Variants in DIP2C observed in about 807,000 individuals in gnomAD.
DIP2C encodes disco-interacting protein 2 homolog C.
DIP2C carries 33 observed loss-of-function variants against 192.4 expected under a neutral mutation model. The observed-to-expected ratio is 0.17, with a 90% CI of 0.13 to 0.23. The LOEUF is 0.23. Ranked by LOEUF, DIP2C falls within the 10% of genes least tolerant of loss-of-function variation. The probability of loss-of-function intolerance (pLI) is 1.00; values close to 1 mark genes in which losing one functional copy is unlikely to be tolerated. For synonymous variants in DIP2C, 979 were observed against 864.1 expected (o/e 1.13, Z -2.33); for missense variants, 1,537 against 2,110.1 (o/e 0.73, Z 5.32).
intron 1 of DIP2C, among the ~76,000 whole-genome samples, chr10:581,252 A>G (rs1850635550): frequency 6.6e-6 from 1 of 152,214 alleles, no homozygotes; most frequent in Admixed American, 6.5e-5. Context: ...CAACAAAAAC[A>G]GCCCATGTGT....
At chr10:365,379 T>A (rs1018913615) in intron 19 of DIP2C, among the ~76,000 whole-genome samples, 1 of 152,026 alleles carries the variant, frequency 6.6e-6, no homozygotes, top group Admixed American at 6.5e-5. Flanking sequence ...CACAAGAATT[T>A]TTTTTTTAAT....
At chr10:395,145 GATGGGGGGGAGGGAGGAC>G (rs6143731) in intron 10 of DIP2C, among the ~76,000 whole-genome samples, 46,683 of 95,140 alleles carry the variant, frequency 0.49, 10,883 homozygotes, top group East Asian at 0.73. Context: ...GGAGGGAGGA[GATGGGGGGGAGGGAGGAC>G]ATGGGGAGAT....
chr10:493,486 C>G (rs898798497), intron 1 of DIP2C, among the ~76,000 whole-genome samples: 1 of 152,156 alleles, frequency 6.6e-6, no homozygotes, highest in Non-Finnish European at 1.5e-5. Context: ...GACAATGAAG[C>G]CCAGCTTCCA....
intron 1 of DIP2C, among the ~76,000 whole-genome samples, chr10:654,133 T>C (rs1484196817): frequency 1.3e-5 from 2 of 152,226 alleles, no homozygotes; most frequent in African/African-American, 4.8e-5. Flanking sequence ...TTCTGCTCCA[T>C]AAACCTTGGC....
At chr10:539,892 G>A (rs11253073) in intron 1 of DIP2C, among the ~76,000 whole-genome samples, 6,423 of 152,224 alleles carry the variant, frequency 0.042, 215 homozygotes, top group East Asian at 0.15. Context: ...GGATTTCAAC[G>A]CTAACCAGTA....
intron 1 of DIP2C, among the ~76,000 whole-genome samples, chr10:528,038 T>A (rs539153499): frequency 2.6e-4 from 40 of 152,244 alleles, no homozygotes; most frequent in African/African-American, 9.1e-4. Context: ...AGGACAGTCG[T>A]GTCCTTGGGA....
At chr10:583,171 T>C (rs772788862) in intron 1 of DIP2C, among the ~76,000 whole-genome samples, 2 of 152,136 alleles carry the variant, frequency 1.3e-5, no homozygotes, top group Non-Finnish European at 2.9e-5. Flanking sequence ...ATAAATACAC[T>C]CATAGGAAAA....
Position 414,117 on chromosome 10 carries a change from C to T in DIP2C, c.860-7G>A, listed in dbSNP as rs748935086. On this transcript the variant is annotated splice_polypyrimidine_tract_variant and splice_region_variant and intron_variant, in intron 7 of 36. Transcript: ENST00000280886. ...TTCGGATCCGGTTGTTGAACTAAAT[C>T]GTTTGAATACAAGAGGTTACAAGAG... 4 of 1,608,890 alleles carry T rather than the reference C, an allele frequency of 2.5e-6. No homozygotes were observed. The highest frequency in any genetic ancestry group is 1.7e-5 in the Admixed American group (1 of 59,694).
chr10:379,529 A>C (rs1962130023), intron 17 of DIP2C, among the ~76,000 whole-genome samples: 1 of 152,096 alleles, frequency 6.6e-6, no homozygotes, highest in Non-Finnish European at 1.5e-5. Context: ...CATAGCCCAG[A>C]TGTCCATGCT....
chr10:330,814 T>A (rs1430068607), intron 29 of DIP2C, among the ~76,000 whole-genome samples: 4 of 139,240 alleles, frequency 2.9e-5, no homozygotes, highest in African/African-American at 9.0e-5. Flanking sequence ...CCTACACAAT[T>A]TTTTTTTTTT....
At chr10:549,356 C>T (rs1349112170) in intron 1 of DIP2C, among the ~76,000 whole-genome samples, 3 of 152,144 alleles carry the variant, frequency 2.0e-5, no homozygotes, top group Admixed American at 6.5e-5. Flanking sequence ...TGCTCTAAGA[C>T]GTCCTTGTCA....
intron 1 of DIP2C, among the ~76,000 whole-genome samples, chr10:618,799 C>T (rs536490628): frequency 2.6e-4 from 39 of 152,368 alleles, no homozygotes; most frequent in African/African-American, 9.1e-4. Context: ...AGAGCCCTCC[C>T]GCACTGCTCA....
At chr10:413,399 C>A (rs144716401) in intron 8 of DIP2C, among the ~76,000 whole-genome samples, 6 of 152,302 alleles carry the variant, frequency 3.9e-5, no homozygotes, top group African/African-American at 1.4e-4. Flanking sequence ...GACATTTTTT[C>A]TAACTACCAA....
At chr10:431,490 T>C (rs976311328) in intron 4 of DIP2C, among the ~76,000 whole-genome samples, 1 of 152,242 alleles carries the variant, frequency 6.6e-6, no homozygotes, top group Admixed American at 6.5e-5. Context: ...TTTTGCCATG[T>C]TGGCCAGGCT....
chr10:609,947 C>T (rs1388548788), intron 1 of DIP2C, among the ~76,000 whole-genome samples: 2 of 152,068 alleles, frequency 1.3e-5, no homozygotes, highest in African/African-American at 4.8e-5. Context: ...ATGCGGCATT[C>T]CACCGAGGGC....
chr10:297,352 G>A (rs1955810512), intron 32 of DIP2C, among the ~76,000 whole-genome samples: 1 of 150,640 alleles, frequency 6.6e-6, no homozygotes, highest in Admixed American at 6.6e-5. Context: ...GAAATCATCA[G>A]TGTACTGGAG....
intron 2 of DIP2C, among the ~76,000 whole-genome samples, chr10:474,463 G>C (rs1431171993): frequency 6.6e-6 from 1 of 152,166 alleles, no homozygotes; most frequent in Non-Finnish European, 1.5e-5. Flanking sequence ...CTGACAACCT[G>C]GTGAGAATCT....
chr10:576,771 G>A (rs1434524360), intron 1 of DIP2C, among the ~76,000 whole-genome samples: 1 of 152,136 alleles, frequency 6.6e-6, no homozygotes, highest in Non-Finnish European at 1.5e-5. Flanking sequence ...GCCAGGCATG[G>A]TGGCACGCGC....
chr10:331,520 TTTC>T (rs1050211893), intron 29 of DIP2C, among the ~76,000 whole-genome samples: 59 of 152,342 alleles, frequency 3.9e-4, no homozygotes, highest in African/African-American at 8.2e-4. Context: ...ACTTGTAGAT[TTTC>T]TTATCATTAG....
Sources: gnomAD v4.1 joint callset for allele counts (sites outside exome capture counted in the v4.1 genomes callset) on GRCh38, gnomAD v4.1.1 for gene constraint, MANE v1.5 for transcripts, NCBI Gene and HGNC (gene_info 2026-07-23, HGNC 2026-07-21) for gene names.